Variants in PDE4D observed in about 807,000 individuals in gnomAD.
PDE4D encodes 3',5'-cyclic-AMP phosphodiesterase 4D.
A neutral mutation model predicts 87.4 loss-of-function variants in PDE4D; 24 were observed. The observed-to-expected ratio is 0.27, with a 90% CI of 0.20 to 0.39. PDE4D has a LOEUF of 0.39. Among genes scored for constraint, PDE4D ranks in the 10% least tolerant of loss-of-function variants. The pLI is 1.00. For missense variants in PDE4D, 714 were observed against 1,041.0 expected, an observed-to-expected ratio of 0.69 and a Z score of 4.32; for synonymous variants, 384 against 383.2, an observed-to-expected ratio of 1.00 and a Z score of -0.02.
In PDE4D at chr5:60,100,701, C is replaced by T. The variant is rs77332313; in HGVS notation, c.42+84856G>A. On this transcript the variant is annotated intron_variant, in intron 2 of 16. Transcript: ENST00000502484. ...TTTTAGGTATGCAACTAAATTGCAA[C>T]TAAATTATTGATTCTGCTGGAAGGT... is the stretch of plus-strand genomic sequence containing the variant. Among the ~76,000 whole-genome samples, 35 of 152,186 alleles carry T rather than the reference C, an allele frequency of 2.3e-4. 3 individuals are homozygous for T. The East Asian group carries it at 6.8e-3, about 29-fold the overall frequency.
chr5:59,282,365 G>C (rs72765991), intron 1 of PDE4D, among the ~76,000 whole-genome samples: 2 of 152,034 alleles, frequency 1.3e-5, no homozygotes, highest in Admixed American at 6.6e-5. Context: ...TGGAGGCTGC[G>C]CGCGGTGGCT....
intron 1 of PDE4D, among the ~76,000 whole-genome samples, chr5:59,642,402 C>T (rs1332095470): frequency 5.9e-5 from 9 of 152,150 alleles, no homozygotes; most frequent in Middle Eastern, 3.4e-3. Flanking sequence ...GACTCTGTGT[C>T]CCCACCCAAA....
At chr5:59,560,033 A>C (rs1819694627) in intron 1 of PDE4D, among the ~76,000 whole-genome samples, 1 of 152,170 alleles carries the variant, frequency 6.6e-6, no homozygotes, top group Admixed American at 6.5e-5. Context: ...AGCGTTTCCA[A>C]AGCACAAGGG....
intron 1 of PDE4D, among the ~76,000 whole-genome samples, chr5:59,670,968 C>T (rs1475871393): frequency 6.6e-6 from 1 of 152,060 alleles, no homozygotes; most frequent in Non-Finnish European, 1.5e-5. Flanking sequence ...TACAACCAGC[C>T]CATGCTAATG....
At chr5:59,805,931 G>A (rs1388674228) in intron 1 of PDE4D, among the ~76,000 whole-genome samples, 2 of 152,174 alleles carry the variant, frequency 1.3e-5, no homozygotes, top group Non-Finnish European at 2.9e-5. Flanking sequence ...CTCTCCTATT[G>A]AGTCTCTGCC....
At chr5:59,500,288 A>G (rs1808059127) in intron 1 of PDE4D, among the ~76,000 whole-genome samples, 1 of 152,172 alleles carries the variant, frequency 6.6e-6, no homozygotes, top group African/African-American at 2.4e-5. Context: ...CCATTCTACC[A>G]AAAAGACACC....
intron 1 of PDE4D, among the ~76,000 whole-genome samples, chr5:59,488,963 G>C (rs925214456): frequency 3.3e-5 from 5 of 152,038 alleles, no homozygotes; most frequent in Non-Finnish European, 5.9e-5. Context: ...GTGTTCTCCA[G>C]TTCAAGCCAA....
chr5:59,023,632 G>C (rs1755650468), intron 6 of PDE4D, among the ~76,000 whole-genome samples: 1 of 152,156 alleles, frequency 6.6e-6, no homozygotes, highest in Non-Finnish European at 1.5e-5. Context: ...CTCCAGCCTG[G>C]TTGACAAGGT....
intron 1 of PDE4D, among the ~76,000 whole-genome samples, chr5:60,216,204 A>G (rs1743835526): frequency 6.6e-6 from 1 of 152,112 alleles, no homozygotes; most frequent in African/African-American, 2.4e-5. Flanking sequence ...AGTGACTTCC[A>G]AGTAAGAGTC....
intron 1 of PDE4D, among the ~76,000 whole-genome samples, chr5:59,816,272 T>C (rs1443225300): frequency 6.6e-6 from 1 of 152,238 alleles, no homozygotes; most frequent in African/African-American, 2.4e-5. Flanking sequence ...TAGGAATTAC[T>C]AGATTTTGGT....
intron 5 of PDE4D, among the ~76,000 whole-genome samples, chr5:59,066,206 T>C (rs986187847): frequency 2.6e-5 from 4 of 152,070 alleles, no homozygotes; most frequent in Non-Finnish European, 4.4e-5. Flanking sequence ...AAACTCACAG[T>C]GTGGTCAAGC....
At chr5:60,182,790 G>A (rs1784473107) in intron 2 of PDE4D, among the ~76,000 whole-genome samples, 1 of 152,048 alleles carries the variant, frequency 6.6e-6, no homozygotes, top group Admixed American at 6.5e-5. Context: ...TGAGGCAGGA[G>A]AATGGCGTGA....
intron 1 of PDE4D, among the ~76,000 whole-genome samples, chr5:59,786,244 A>T (rs1354549183): frequency 6.6e-6 from 1 of 152,200 alleles, no homozygotes; most frequent in Admixed American, 6.5e-5. Flanking sequence ...TTCTCTCAGG[A>T]TGCATCACTG....
intron 1 of PDE4D, among the ~76,000 whole-genome samples, chr5:60,415,517 G>A (rs142781521): frequency 3.3e-5 from 5 of 152,358 alleles, no homozygotes; most frequent in Admixed American, 6.5e-5. Flanking sequence ...TGCGAGTTCC[G>A]GTGGGCGTGG....
chr5:60,499,383 T>C (rs1383666057), intron 1 of PDE4D, among the ~76,000 whole-genome samples: 2 of 152,186 alleles, frequency 1.3e-5, no homozygotes, highest in African/African-American at 4.8e-5. Flanking sequence ...CTCTACAGAA[T>C]TTCATGAACT....
intron 1 of PDE4D, among the ~76,000 whole-genome samples, chr5:60,310,380 A>T (rs1399199411): frequency 1.3e-5 from 2 of 152,206 alleles, no homozygotes; most frequent in Non-Finnish European, 2.9e-5. Context: ...AACAAAAATA[A>T]ATATATGAAT....
intron 1 of PDE4D, among the ~76,000 whole-genome samples, chr5:60,192,428 A>G (rs989807580): frequency 2.6e-5 from 4 of 152,200 alleles, no homozygotes; most frequent in Non-Finnish European, 4.4e-5. Flanking sequence ...ATCATAATTC[A>G]GGAAGTAACT....
intron 1 of PDE4D, chr5:59,558,790 A>G (rs1819430429): frequency 6.6e-6 from 1 of 152,210 alleles, no homozygotes; most frequent in African/African-American, 2.4e-5. Context: ...TGCTAGGGTA[A>G]CAGCTGAATT....
chr5:60,127,132 A>G (rs530154184), intron 2 of PDE4D, among the ~76,000 whole-genome samples: 1 of 152,258 alleles, frequency 6.6e-6, no homozygotes, highest in East Asian at 1.9e-4. Flanking sequence ...AGAGAACAGC[A>G]TGAGAAAGTG....
Sources: allele counts gnomAD v4.1 joint callset (sites outside exome capture counted in the v4.1 genomes callset), GRCh38; gene constraint gnomAD v4.1.1; transcripts MANE v1.5; gene names NCBI Gene and HGNC (gene_info 2026-07-23, HGNC 2026-07-21).